NFATC2: variants seen among roughly 807,000 people sequenced by gnomAD.
NFATC2 encodes the protein nuclear factor of activated T cells 2, also known as nuclear factor of activated T-cells, cytoplasmic 2.
NFATC2 carries 22 observed loss-of-function variants against 87.3 expected under a neutral mutation model. The ratio of observed to expected loss-of-function variants is 0.25; its 90% CI spans 0.18 to 0.36. The LOEUF is 0.36. Among genes scored for constraint, NFATC2 ranks in the 10% least tolerant of loss-of-function variants. NFATC2 has a pLI of 1.00. For synonymous variants in NFATC2, 565 were observed against 542.2 expected (o/e 1.04, Z -0.58); for missense variants, 1,149 against 1,259.1 (o/e 0.91, Z 1.32).
chr20:51,448,367 C>T (rs571245119), intron 6 of NFATC2, among the ~76,000 whole-genome samples: 30 of 152,114 alleles, frequency 2.0e-4, no homozygotes, highest in African/African-American at 6.3e-4. Context: ...GGAGGCCGGA[C>T]GCAGTGGCTC....
rs1313781094 is a variant in NFATC2 at position 51,389,022 on chromosome 20, C to A, written c.*2474G>T. 1 of 152,194 alleles carries A rather than the reference C, an allele frequency of 6.6e-6. No individual in the cohort carries two copies. Among genetic ancestry groups the A allele is most frequent in the Non-Finnish European group, 1.5e-5 (1 of 68,048 alleles). 9.4% of individuals were successfully genotyped at this position (152,194 alleles called of 1,614,324 possible). A position where few individuals can be genotyped will look rare whatever the true frequency, so the allele number is the denominator to read the frequency against. On this transcript the variant is annotated 3_prime_UTR_variant, in exon 11 of 11. Transcript: ENST00000371564. ...TCAGTTCCTAATACACTTTCTCTTG[C>A]CTGTTTATGTCTCAAATCTAATGCT...
At chr20:51,491,980 C>T (rs555856345) in intron 3 of NFATC2, among the ~76,000 whole-genome samples, 2 of 151,974 alleles carry the variant, frequency 1.3e-5, no homozygotes, top group South Asian at 2.1e-4. Context: ...GTCTGGCCTG[C>T]ACACACATAC....
intron 1 of NFATC2, among the ~76,000 whole-genome samples, chr20:51,551,698 TAAGCCAA>T: frequency 1.3e-5 from 2 of 151,908 alleles, no homozygotes; most frequent in Admixed American, 6.6e-5. Context: ...TTTGGCATGA[TAAGCCAA>T]AATTTTAAAA....
chr20:51,395,047 G>A (rs1986859154), intron 10 of NFATC2, among the ~76,000 whole-genome samples: 1 of 152,236 alleles, frequency 6.6e-6, no homozygotes, highest in South Asian at 2.1e-4. Context: ...GTTTAAGGAA[G>A]CTGATTTTCA....
chr20:51,441,741 G>C, intron 6 of NFATC2, among the ~76,000 whole-genome samples: 1 of 135,544 alleles, frequency 7.4e-6, no homozygotes, highest in African/African-American at 2.7e-5. Context: ...AAAAGATAAA[G>C]TTAATATTAC....
chr20:51,468,199 C>T (rs1386699264), intron 5 of NFATC2, among the ~76,000 whole-genome samples: 1 of 152,156 alleles, frequency 6.6e-6, no homozygotes, highest in African/African-American at 2.4e-5. Context: ...ACATGGGGAA[C>T]GTTCAAGAGT....
At chr20:51,485,742 C>CAGGGTGTAAAT (rs1989657245) in intron 3 of NFATC2, among the ~76,000 whole-genome samples, 2 of 152,114 alleles carry the variant, frequency 1.3e-5, no homozygotes, top group Non-Finnish European at 2.9e-5. Flanking sequence ...AAATGTGGCT[C>CAGGGTGTAAAT]CTGACCCTGC....
At chr20:51,542,217 A>T (rs530254103) in intron 1 of NFATC2, among the ~76,000 whole-genome samples, 153 bp downstream of exon 1, 12 of 152,008 alleles carry the variant, frequency 7.9e-5, no homozygotes, top group Non-Finnish European at 1.5e-4. Flanking sequence ...GGGGCCACTG[A>T]CGCCTCCCCT....
chr20:51,392,865 C>A lies in NFATC2; in HGVS notation c.*45-1414G>T, dbSNP rs78476385. On this transcript the variant is annotated intron_variant, in intron 10 of 10. Coordinates refer to ENST00000371564, the MANE Select transcript of NFATC2 (RefSeq NM_012340.5). The stretch of plus-strand genomic sequence containing the variant: ...CCCAGATGGTTTGCAACCTCCATAA[C>A]AGAGTCGGGGAATGCAAAGAGCTGA... Among the ~76,000 whole-genome samples the A allele has an allele frequency of 2.0e-5, 3 of 152,310 alleles. 1 individual carries two copies. The South Asian group carries it at 6.2e-4, about 32-fold the overall frequency.
Position 51,432,637 on chromosome 20 carries a change from G to C in NFATC2, c.2152C>G (p.Pro718Ala). ...GCCATGGTGGCCACGAGGCAGGAGG[G>C]GGACTCGGCCACCATCGGGTGCTGG... is the stretch of plus-strand genomic sequence containing the variant. Reference protein sequence around the residue: ...YPQHPMVAESPSCLVATMAPC... With the variant: ...YPQHPMVAESASCLVATMAPC... The change falls in exon 9 of 11, where the codon CCC becomes GCC. Residue 718 changes from proline to alanine, a missense_variant. Pro to Ala is a conservative substitution (Grantham distance 27). Transcript: ENST00000371564. This position sits in a 1 kb window ranked among gnomAD's most constrained non-coding sequence, Gnocchi z 4.6. The C allele has an allele frequency of 6.5e-7, 1 of 1,539,376 alleles. No individual in the cohort carries two copies. Among genetic ancestry groups the C allele is most frequent in the Non-Finnish European group, 8.7e-7 (1 of 1,146,188 alleles).
At chr20:51,536,469 G>T (rs569990646) in intron 1 of NFATC2, among the ~76,000 whole-genome samples, 1 of 152,154 alleles carries the variant, frequency 6.6e-6, no homozygotes, top group African/African-American at 2.4e-5. Flanking sequence ...TTCTAATGCA[G>T]CCAGGACTGA....
At chr20:51,398,771 A>T (rs1227178679) in intron 9 of NFATC2, 41 bp from the exon 10 acceptor site, 2 of 1,389,284 alleles carry the variant, frequency 1.4e-6, no homozygotes, top group Non-Finnish European at 2.0e-6. Flanking sequence ...AAGAAAAAAA[A>T]AAATCACCTT....
In NFATC2 at chr20:51,391,837, TTTG is replaced by T. The variant is rs201999458; in HGVS notation, c.*45-389_*45-387del. ...ATCTCTATTTTTTTTAAATACTTTT[TTTG>T]TTGTTGTTCCTTGTGCTTGTATATT... On this transcript the variant is annotated intron_variant, in intron 10 of 10. Transcript: ENST00000371564. Among the ~76,000 whole-genome samples, 9 of 152,172 alleles carry T rather than the reference TTTG, an allele frequency of 5.9e-5. No homozygotes were observed. The East Asian group carries it at 1.2e-3, about 20-fold the overall frequency.
At chr20:51,460,319 G>C (rs1302962769) in intron 5 of NFATC2, among the ~76,000 whole-genome samples, 1 of 152,166 alleles carries the variant, frequency 6.6e-6, no homozygotes, top group African/African-American at 2.4e-5. Flanking sequence ...CCCCCTGGTT[G>C]ATCCTTGTAG....
At chr20:51,395,381 A>G (rs1347369482) in intron 10 of NFATC2, among the ~76,000 whole-genome samples, 1 of 152,198 alleles carries the variant, frequency 6.6e-6, no homozygotes, top group Non-Finnish European at 1.5e-5. Context: ...TGGGGATCCC[A>G]GAATCCTCTG....
At chr20:51,434,374 T>G (rs191534143) in intron 8 of NFATC2, among the ~76,000 whole-genome samples, 1 of 152,328 alleles carries the variant, frequency 6.6e-6, no homozygotes, top group Admixed American at 6.5e-5. Context: ...GTTTCCAATC[T>G]TGGAAGGTAG....
chr20:51,398,142 C>G (rs1050086605), intron 10 of NFATC2, among the ~76,000 whole-genome samples: 6 of 94,024 alleles, frequency 6.4e-5, no homozygotes, highest in Non-Finnish European at 1.1e-4. Flanking sequence ...AACAAGGAAG[C>G]CCCCCGGGAG....
intron 9 of NFATC2, among the ~76,000 whole-genome samples, chr20:51,399,878 G>A (rs1987807245): frequency 6.6e-6 from 1 of 152,136 alleles, no homozygotes; most frequent in Admixed American, 6.5e-5. Context: ...TCCTGACGAT[G>A]GCCACATTAA....
chr20:51,443,402 C>A (rs1295208678), intron 6 of NFATC2, among the ~76,000 whole-genome samples: 1 of 152,192 alleles, frequency 6.6e-6, no homozygotes, highest in Admixed American at 6.5e-5. Context: ...ACCTCAGGAT[C>A]CTCCAGTGTG....
Sources: allele counts gnomAD v4.1 joint callset (sites outside exome capture counted in the v4.1 genomes callset), GRCh38; gene constraint gnomAD v4.1.1; non-coding constraint Gnocchi (gnomAD v3.1); transcripts MANE v1.5; gene names NCBI Gene and HGNC (gene_info 2026-07-23, HGNC 2026-07-21).